NXF3: variants seen among roughly 807,000 people sequenced by gnomAD.
NXF3 encodes TAP-like protein 3.
Under a neutral mutation model 48.4 loss-of-function variants are expected in NXF3, and 34 were observed. The ratio of observed to expected loss-of-function variants is 0.70; its 90% CI spans 0.53 to 0.93. The LOEUF is 0.93. Among genes scored for constraint, NXF3 ranks in the 40% least tolerant of loss-of-function variants. The pLI is 0.00. For synonymous variants in NXF3, 132 were observed against 145.7 expected (o/e 0.91, Z 0.68); for missense variants, 359 against 406.1 (o/e 0.88, Z 1.00).
chrX:103,083,008 G>A lies in NXF3; in HGVS notation c.687C>T (p.Tyr229=). 1 of 1,207,329 alleles carries A rather than the reference G, an allele frequency of 8.3e-7. No homozygotes were observed. The highest frequency in any genetic ancestry group is 2.3e-4 in the Middle Eastern group (1 of 4,346). The part of the protein sequence containing the change: ...EALDIQRLPF[Y]PDMVNRDTKM... ...GAATTACTTTCTCAGCCATACCTGG[G>A]TAAAATGGGAGTCTCTGGATATCAA... The change falls in exon 7 of 20, where the codon TAC becomes TAT. Residue 229 remains tyrosine, a synonymous_variant. Coordinates refer to ENST00000395065, the MANE Select transcript of NXF3 (RefSeq NM_022052.2).
intron 1 of NXF3, chrX:103,088,357 G>T: frequency 1.8e-6 from 1 of 544,425 alleles, no homozygotes; most frequent in South Asian, 2.4e-5. Flanking sequence ...GGGTTCTCTT[G>T]GCAAACATGG....
At chrX:103,077,802 T>A in intron 17 of NXF3, 56 bp from the exon 18 acceptor site, 1 of 1,170,852 alleles carries the variant, frequency 8.5e-7, no homozygotes, top group Non-Finnish European at 1.2e-6. Context: ...CCCCACCCGC[T>A]ACAAGGATCT....
intron 16 of NXF3, 26 bp from the exon 17 acceptor site, chrX:103,078,658 C>T: frequency 1.7e-6 from 2 of 1,211,663 alleles, no homozygotes; most frequent in East Asian, 3.0e-5. Context: ...ACAACATTGC[C>T]TTAGAGTTGC....
In NXF3 at chrX:103,084,902, C is replaced by A; in HGVS notation, c.29-19G>T. The A allele has an allele frequency of 8.5e-7, 1 of 1,182,058 alleles. No homozygotes were observed. Among genetic ancestry groups the A allele is most frequent in the Non-Finnish European group, 1.1e-6 (1 of 872,293 alleles). ...GTGTGACCTTAAATTAAGAACAGCACATCAACACTTAGAATACCAGAAAAA... is the reference window on the plus strand; with the variant it reads ...GTGTGACCTTAAATTAAGAACAGCAAATCAACACTTAGAATACCAGAAAAA... On this transcript the variant is annotated intron_variant, in intron 1 of 19. Transcript: ENST00000395065.
At position 103,079,456 on chromosome X, in the gene NXF3, A is replaced by G; in HGVS notation, c.1238T>C (p.Leu413Pro). 2.5e-6 allele frequency: 3 copies of G among 1,210,665 alleles called. No homozygotes were observed. The highest frequency in any genetic ancestry group is 2.2e-6 in the Non-Finnish European group (2 of 894,589). Residue 413 changes from leucine (L) to proline (P), a missense_variant, in exon 15 of 20, where the codon CTG becomes CCG. By Grantham distance (98) the Leu-to-Pro change is moderately conservative. Coordinates refer to ENST00000395065, the MANE Select transcript of NXF3 (RefSeq NM_022052.2). ...CACAATATCAAGTTTTGTGTGCTTCAGCAGCTCCCCCCGAAGGTCTGTAGA... is the reference window on the plus strand; with the variant it reads ...CACAATATCAAGTTTTGTGTGCTTCGGCAGCTCCCCCCGAAGGTCTGTAGA... ...LKDPYLRGEL[L>P]KHTKLDIVDS...
rs934925278 is a variant in NXF3, at chrX:103,080,084, C to G, written c.997-16G>C. 55 of 1,210,101 alleles carry G rather than the reference C, an allele frequency of 4.5e-5. No individual in the cohort carries two copies. The highest frequency in any genetic ancestry group is 6.1e-5 in the Non-Finnish European group (55 of 894,379). ...AGAAGCTTCCCTGGAATAAAGAGTCCCCAGGACCACAGATGGTACCCCCCC... is the reference window on the plus strand; with the variant it reads ...AGAAGCTTCCCTGGAATAAAGAGTCGCCAGGACCACAGATGGTACCCCCCC... On this transcript the variant is annotated splice_polypyrimidine_tract_variant and intron_variant, in intron 11 of 19. Transcript: ENST00000395065.
intron 13 of NXF3, 43 bp from the exon 14 acceptor site, chrX:103,079,685 C>T (rs368035073): frequency 8.5e-7 from 1 of 1,179,419 alleles, no homozygotes; most frequent in African/African-American, 1.8e-5. Context: ...CTGGCCAGTG[C>T]AGGCATCTCC....
In NXF3 at chrX:103,087,195, T is replaced by C. The variant is rs1287539971; in HGVS notation, c.29-2312A>G. On this transcript the variant is annotated intron_variant, in intron 1 of 19. Transcript: ENST00000395065. The stretch of plus-strand genomic sequence containing the variant: ...CTCATCAGACTACATCACTGAAGAA[T>C]ATGATGCCTGAAAACTATTTAAAAA... 7 of 715,219 alleles carry C rather than the reference T, an allele frequency of 9.8e-6. No homozygotes were observed. In the East Asian group the frequency reaches 2.2e-4, roughly 23 times the overall value. The allele number at this position is 715,219 out of a possible 1,213,427, so 58.9% of individuals were successfully genotyped here.
chrX:103,091,074 A>G (rs1922260262), intron 1 of NXF3, among the ~76,000 whole-genome samples: 1 of 112,230 alleles, frequency 8.9e-6, no homozygotes, highest in African/African-American at 3.2e-5. Flanking sequence ...GCATTTTTCT[A>G]AGCAATTTAT....
At chrX:103,078,299 G>GT (rs1312445220) in intron 17 of NXF3, among the ~76,000 whole-genome samples, 2 of 111,603 alleles carry the variant, frequency 1.8e-5, no homozygotes, top group Admixed American at 9.5e-5. Flanking sequence ...CTAATTTTTA[G>GT]TTTTTTTGTA....
At chrX:103,083,802 G>T in intron 3 of NXF3, 110 bp from the exon 4 acceptor site, 1 of 509,175 alleles carries the variant, frequency 2.0e-6, no homozygotes, top group Non-Finnish European at 3.4e-6. Context: ...GTTTAAGATA[G>T]GACAACATCC....
chrX:103,076,889 T>C (rs1296734466), intron 18 of NXF3, among the ~76,000 whole-genome samples: 1 of 110,047 alleles, frequency 9.1e-6, no homozygotes, highest in Non-Finnish European at 1.9e-5. Flanking sequence ...TACGTGAAAA[T>C]TGTGTACTTC....
chrX:103,085,025 C>T, intron 1 of NXF3, 142 bp from the exon 2 acceptor site: 1 of 542,498 alleles, frequency 1.8e-6, no homozygotes, highest in South Asian at 3.1e-5. Context: ...AGTGCAGTGG[C>T]ATGATCACCA....
Position 103,082,801 on chromosome X carries a change from T to C in NXF3, c.739A>G (p.Met247Val). Residue 247 changes from methionine (M) to valine (V), a missense_variant, in exon 8 of 20, where the codon ATG becomes GTG. Coordinates refer to ENST00000395065, the MANE Select transcript of NXF3 (RefSeq NM_022052.2). ...TCATGGACGTCCAGGGAGGCAGCCA[T>C]GCACTTTCTAGGATTCGATGCCATC... Reference protein sequence around the residue: ...TKMASNPRKCMAASLDVHEEN... With the variant: ...TKMASNPRKCVAASLDVHEEN... 1 of 1,210,604 alleles carries C rather than the reference T, an allele frequency of 8.3e-7. No individual in the cohort carries two copies. Among genetic ancestry groups the C allele is most frequent in the Non-Finnish European group, 1.1e-6 (1 of 894,505 alleles).
At chrX:103,088,888 AG>A in intron 1 of NXF3, 6 of 1,191,434 alleles carry the variant, frequency 5.0e-6, no homozygotes, top group Non-Finnish European at 6.8e-6. Context: ...CAACAATGTC[AG>A]GCTCCTGGTG....
chrX:103,081,502 A>G (rs1922009644), intron 9 of NXF3: 1 of 112,752 alleles, frequency 8.9e-6, no homozygotes, highest in Non-Finnish European at 1.9e-5. Context: ...ATCTCGGGCT[A>G]CCCAGGGCTC....
chrX:103,076,116 A>G, intron 19 of NXF3, 116 bp from the exon 20 acceptor site: 1 of 502,167 alleles, frequency 2.0e-6, no homozygotes, highest in Non-Finnish European at 3.5e-6. Flanking sequence ...GGCCTTCTCT[A>G]GGATCTTGCC....
chrX:103,080,425 C>A (rs1431047618), intron 10 of NXF3, 151 bp downstream of exon 10: 3 of 645,426 alleles, frequency 4.6e-6, no homozygotes, highest in Non-Finnish European at 7.4e-6. Flanking sequence ...TGCCAAGTTC[C>A]CACATGGGTC....
At chrX:103,085,126 G>A (rs1187252015) in intron 1 of NXF3, among the ~76,000 whole-genome samples, 5 of 109,811 alleles carry the variant, frequency 4.6e-5, no homozygotes, top group African/African-American at 1.7e-4. Context: ...CACCACATCT[G>A]GCTAATTTTT....
Sources: gnomAD v4.1 joint callset for allele counts (sites outside exome capture counted in the v4.1 genomes callset) on GRCh38, gnomAD v4.1.1 for gene constraint, MANE v1.5 for transcripts, NCBI Gene and HGNC (gene_info 2026-07-23, HGNC 2026-07-21) for gene names.